ANKS1B: variants seen among roughly 807,000 people sequenced by gnomAD.
The protein encoded by ANKS1B is ankyrin repeat and sterile alpha motif domain-containing protein 1B.
A neutral mutation model predicts 148.3 loss-of-function variants in ANKS1B; 36 were observed. That is an observed-to-expected ratio of 0.24 (90% CI 0.19 to 0.32). The LOEUF is 0.32. Ranked by LOEUF, ANKS1B falls within the 10% of genes least tolerant of loss-of-function variation. The pLI is 1.00. For synonymous variants in ANKS1B, 542 were observed against 560.8 expected (o/e 0.97, Z 0.47); for missense variants, 1,157 against 1,542.6 (o/e 0.75, Z 4.19).
At chr12:99,884,641 T>C (rs1485843277) in intron 1 of ANKS1B, among the ~76,000 whole-genome samples, 2 of 152,104 alleles carry the variant, frequency 1.3e-5, no homozygotes, top group Non-Finnish European at 2.9e-5. Flanking sequence ...ATGACAGATG[T>C]AAAACACTAT....
intron 12 of ANKS1B, among the ~76,000 whole-genome samples, chr12:99,345,328 G>A (rs981494067): frequency 6.6e-6 from 1 of 151,928 alleles, no homozygotes; most frequent in African/African-American, 2.4e-5. Flanking sequence ...AGAAAATGTA[G>A]GGTCATTCTT....
At chr12:99,185,112 G>A (rs961169363) in intron 14 of ANKS1B, among the ~76,000 whole-genome samples, 15 of 152,162 alleles carry the variant, frequency 9.9e-5, no homozygotes, top group Admixed American at 6.5e-4. Flanking sequence ...ATCAGAACAC[G>A]ATGAGTGACA....
At chr12:99,260,560 A>G (rs962135475) in intron 12 of ANKS1B, among the ~76,000 whole-genome samples, 1 of 152,216 alleles carries the variant, frequency 6.6e-6, no homozygotes, top group Admixed American at 6.5e-5. Context: ...AACGTTAAAG[A>G]TAAATTATAT....
intron 17 of ANKS1B, among the ~76,000 whole-genome samples, chr12:98,834,994 C>T (rs1163219222): frequency 2.0e-5 from 3 of 152,118 alleles, no homozygotes; most frequent in Non-Finnish European, 4.4e-5. Context: ...AAAATCTTCA[C>T]CGCCTTTCTC....
rs776464241 is a variant in ANKS1B, at chr12:98,773,112, G to A, written c.3509C>T (p.Thr1170Ile). ...CAAATCTTTTGTGATATAGGCAAATGTTGAGAGGTCTTCTGGGTCCTGGGC... is the reference window on the plus strand; with the variant it reads ...CAAATCTTTTGTGATATAGGCAAATATTGAGAGGTCTTCTGGGTCCTGGGC... ...CAAQDPEDLS[T>I]FAYITKDLKS... Residue 1170 changes from threonine to isoleucine, a missense_variant, in exon 25 of 27, where the codon ACA becomes ATA. Transcript: ENST00000683438. 6 of 1,613,966 alleles carry A rather than the reference G, an allele frequency of 3.7e-6. No individual in the cohort carries two copies.
At chr12:98,992,979 G>C (rs916690349) in intron 17 of ANKS1B, among the ~76,000 whole-genome samples, 2 of 152,106 alleles carry the variant, frequency 1.3e-5, no homozygotes, top group Admixed American at 6.5e-5. Flanking sequence ...GGCTATGAGG[G>C]AATGTCCCTC....
chr12:99,744,982 ACT>A (rs1160957581), intron 8 of ANKS1B, among the ~76,000 whole-genome samples: 1 of 96,568 alleles, frequency 1.0e-5, no homozygotes, highest in African/African-American at 4.4e-5. Flanking sequence ...ACAGAGTGAG[ACT>A]CTGTCTCAAA....
chr12:99,246,780 G>A lies in ANKS1B; in HGVS notation c.1841C>T (p.Pro614Leu), dbSNP rs535956790. ...TGGATTTTCAGGGGACTCACAGGCTGGAGAGGATCCATGGAGCAGGCCTGC... is the reference window on the plus strand; with the variant it reads ...TGGATTTTCAGGGGACTCACAGGCTAGAGAGGATCCATGGAGCAGGCCTGC... ...QFAGLLHGSS[P>L]ACESPENPFH... The change falls in exon 13 of 27, where the codon CCA becomes CTA. Residue 614 changes from proline to leucine, a missense_variant. Physicochemically the swap from Pro to Leu is moderately conservative, Grantham distance 98. Coordinates refer to ENST00000683438, the MANE Select transcript of ANKS1B (RefSeq NM_001352186.2). The A allele has an allele frequency of 1.6e-5, 26 of 1,613,596 alleles. No individual in the cohort carries two copies. Among genetic ancestry groups the A allele is most frequent in the African/African-American group, 2.7e-5 (2 of 75,020 alleles).
intron 2 of ANKS1B, 82 bp downstream of exon 2, chr12:99,825,227 G>A (rs2083037811): frequency 8.4e-7 from 1 of 1,197,572 alleles, no homozygotes; most frequent in Non-Finnish European, 1.2e-6. Context: ...ACAGAGACAT[G>A]AGAAAGGTAT....
At chr12:99,698,540 T>C (rs2054282600) in intron 8 of ANKS1B, among the ~76,000 whole-genome samples, 1 of 152,132 alleles carries the variant, frequency 6.6e-6, no homozygotes. Flanking sequence ...ACAGAATTTG[T>C]GGCTGAAGAG....
chr12:98,992,557 C>G (rs943922338), intron 17 of ANKS1B, among the ~76,000 whole-genome samples: 31 of 152,146 alleles, frequency 2.0e-4, no homozygotes, highest in Non-Finnish European at 4.4e-4. Context: ...TGCCTGCTTC[C>G]CCTTCGCCTT....
At chr12:98,875,806 A>G (rs956285130) in intron 17 of ANKS1B, among the ~76,000 whole-genome samples, 25 of 152,148 alleles carry the variant, frequency 1.6e-4, no homozygotes, top group Non-Finnish European at 2.9e-4. Context: ...TAAAAAGTGC[A>G]TTGGTTTTGT....
Position 99,106,094 on chromosome 12 carries a change from T to G in ANKS1B, c.2527-21071A>C, listed in dbSNP as rs377420073. The stretch of plus-strand genomic sequence containing the variant: ...TGACAGATCCTTTACTAGGGATCTC[T>G]GCAAGGGCTCAGATCTCTACTTCAA... On this transcript the variant is annotated intron_variant, in intron 15 of 26. Coordinates refer to ENST00000683438, the MANE Select transcript of ANKS1B (RefSeq NM_001352186.2). Among the ~76,000 whole-genome samples, 27 of 152,328 alleles carry G rather than the reference T, an allele frequency of 1.8e-4. No homozygotes were observed. The South Asian group carries it at 5.2e-3, about 29-fold the overall frequency.
At chr12:99,231,338 C>G (rs960281091) in intron 14 of ANKS1B, among the ~76,000 whole-genome samples, 6 of 152,046 alleles carry the variant, frequency 3.9e-5, no homozygotes, top group Admixed American at 2.6e-4. Context: ...ATGATTTGAC[C>G]TAACAGAAAG....
chr12:99,717,708 G>A (rs1294692200), intron 8 of ANKS1B, among the ~76,000 whole-genome samples: 3 of 152,010 alleles, frequency 2.0e-5, no homozygotes, highest in Admixed American at 6.6e-5. Flanking sequence ...CATCACGGAC[G>A]CCGAGCTTTA....
chr12:99,474,532 T>C (rs925806434), intron 10 of ANKS1B, among the ~76,000 whole-genome samples: 1 of 151,854 alleles, frequency 6.6e-6, no homozygotes, highest in Non-Finnish European at 1.5e-5. Flanking sequence ...AAAAGTTCTA[T>C]CCTGCTCATT....
intron 17 of ANKS1B, among the ~76,000 whole-genome samples, chr12:98,918,242 A>C (rs1483372643): frequency 6.6e-6 from 1 of 152,204 alleles, no homozygotes; most frequent in East Asian, 1.9e-4. Flanking sequence ...TTAGGAGTTT[A>C]CACTTGGAAG....
At chr12:99,845,006 G>A (rs1437277186) in intron 1 of ANKS1B, among the ~76,000 whole-genome samples, 1 of 152,076 alleles carries the variant, frequency 6.6e-6, no homozygotes, top group Non-Finnish European at 1.5e-5. Context: ...TTGTGAATGT[G>A]AGTTCATTCA....
intron 13 of ANKS1B, 90 bp from the exon 14 acceptor site, chr12:99,244,504 T>C: frequency 1.3e-6 from 1 of 790,772 alleles, no homozygotes; most frequent in East Asian, 3.0e-5. Context: ...GGAGCAAATA[T>C]TTTTGATGTT....
Sources: allele counts gnomAD v4.1 joint callset (sites outside exome capture counted in the v4.1 genomes callset), GRCh38; gene constraint gnomAD v4.1.1; transcripts MANE v1.5; gene names NCBI Gene and HGNC (gene_info 2026-07-23, HGNC 2026-07-21).